Variants in EMP1 observed in about 807,000 individuals in gnomAD.
EMP1 encodes epithelial membrane protein 1.
A neutral mutation model predicts 15.7 loss-of-function variants in EMP1; 5 were observed. The ratio of observed to expected loss-of-function variants is 0.32; its 90% CI spans 0.17 to 0.67. EMP1 has a LOEUF of 0.67. Ranked by LOEUF, EMP1 falls within the 30% of genes least tolerant of loss-of-function variation. EMP1 has a pLI of 0.74. For missense variants in EMP1, 166 were observed against 194.2 expected (o/e 0.85, Z 0.86); for synonymous variants, 78 against 76.7 (o/e 1.02, Z -0.09).
At chr12:13,210,387 A>G (rs967938939) in intron 1 of EMP1, among the ~76,000 whole-genome samples, 2 of 152,192 alleles carry the variant, frequency 1.3e-5, no homozygotes, top group Non-Finnish European at 2.9e-5. Flanking sequence ...AGTCTTAGGC[A>G]TGACAAAGCT....
At position 13,216,804 on chromosome 12, in the gene EMP1, G is replaced by A. The variant is rs1232554746; in HGVS notation, c.*2113G>A. The stretch of plus-strand genomic sequence containing the variant: ...GTGAATGTTTTTTTCTAAAAAAAAT[G>A]TGGAGAAATATGGATAATTATGACA... On this transcript the variant is annotated 3_prime_UTR_variant, in exon 5 of 5. Coordinates refer to ENST00000256951, the MANE Select transcript of EMP1 (RefSeq NM_001423.3). The A allele has an allele frequency of 2.9e-5, 6 of 207,408 alleles. No individual in the cohort carries two copies. The East Asian group carries it at 3.3e-4, about 12-fold the overall frequency. 12.8% of individuals were successfully genotyped at this position (207,408 alleles called of 1,614,324 possible). A position where few individuals can be genotyped will look rare whatever the true frequency, so the allele number is the denominator to read the frequency against.
intron 3 of EMP1, 40 bp from the exon 4 acceptor site, chr12:13,213,641 G>A (rs1591710477): frequency 2.5e-6 from 4 of 1,614,056 alleles, no homozygotes; most frequent in Non-Finnish European, 3.4e-6. Context: ...AGCCCCTGGA[G>A]TGACCTCATG....
At chr12:13,202,605 A>G (rs1864075912) in intron 1 of EMP1, among the ~76,000 whole-genome samples, 2 of 150,998 alleles carry the variant, frequency 1.3e-5, no homozygotes, top group African/African-American at 4.9e-5. Flanking sequence ...TGGGGTGGGG[A>G]CTCCTGTGCT....
chr12:13,208,575 G>A (rs902241835), intron 1 of EMP1, among the ~76,000 whole-genome samples: 3 of 152,156 alleles, frequency 2.0e-5, no homozygotes. Flanking sequence ...AGTAAAACCT[G>A]ACAAATAATG....
rs761370248 is a variant in EMP1 at position 13,213,815 on chromosome 12, G to A, written c.310G>A (p.Val104Met). 1 of 1,613,922 alleles carries A rather than the reference G, an allele frequency of 6.2e-7. No homozygotes were observed. The highest frequency in any genetic ancestry group is 8.5e-7 in the Non-Finnish European group (1 of 1,180,032). Residue 104 changes from valine (V) to methionine (M), a missense_variant, in exon 4 of 5, where the codon GTG (valine) becomes ATG (methionine). Transcript: ENST00000256951. ...CTTCCTCTCAGGGGCCACCACACTG[G>A]TGTGCTGTGAGTATCTCATGGGTAG... ...RFFLSGATTL[V>M]CWLCILVGVS...
intron 1 of EMP1, among the ~76,000 whole-genome samples, chr12:13,198,682 C>G (rs2121140107): frequency 6.6e-6 from 1 of 152,274 alleles, no homozygotes; most frequent in Middle Eastern, 3.4e-3. Context: ...AATAACCAGT[C>G]AACACACGGA....
At position 13,211,561 on chromosome 12, in the gene EMP1, T is replaced by C. The variant is rs777736024; in HGVS notation, c.51T>C (p.Ile17=). 2 of 1,614,206 alleles carry C rather than the reference T, an allele frequency of 1.2e-6. No homozygotes were observed. The highest frequency in any genetic ancestry group is 2.2e-5 in the South Asian group (2 of 91,072). ...GIFVVHIATV[I]MLFVSTIANV... Reference sequence around the variant, plus strand: ...TTGTGGTCCACATCGCTACTGTTATTATGCTATTTGTTAGCACCATTGCCA... The same window carrying C: ...TTGTGGTCCACATCGCTACTGTTATCATGCTATTTGTTAGCACCATTGCCA... The change falls in exon 2 of 5, where the codon ATT becomes ATC. Residue 17 remains isoleucine, a synonymous_variant. Coordinates refer to ENST00000256951, the MANE Select transcript of EMP1 (RefSeq NM_001423.3). This position sits in a 1 kb window ranked among gnomAD's most constrained non-coding sequence, Gnocchi z 4.7.
At chr12:13,206,478 C>A (rs1864111356) in intron 1 of EMP1, among the ~76,000 whole-genome samples, 1 of 152,182 alleles carries the variant, frequency 6.6e-6, no homozygotes, top group Non-Finnish European at 1.5e-5. Flanking sequence ...CCCCTCCCAC[C>A]CCTCAGCTAG....
chr12:13,196,807 A>G lies in EMP1; in HGVS notation c.-108A>G, dbSNP rs1471409323. On this transcript the variant is annotated 5_prime_UTR_variant, in exon 1 of 5. Transcript: ENST00000256951. ...CCTCAGTGCGGTCACATACTTCCAG[A>G]AGAGCGGACCAGGGCTGCTGCCAGC... 1.3e-5 allele frequency: 2 copies of G among 152,344 alleles called. No homozygotes were observed. The highest frequency in any genetic ancestry group is 2.9e-5 in the Non-Finnish European group (2 of 68,154). 9.4% of individuals were successfully genotyped at this position (152,344 alleles called of 1,614,324 possible).
At chr12:13,202,352 G>A (rs1864073522) in intron 1 of EMP1, among the ~76,000 whole-genome samples, 1 of 152,160 alleles carries the variant, frequency 6.6e-6, no homozygotes, top group Admixed American at 6.5e-5. Flanking sequence ...CCTCTTCAAT[G>A]TTTCTCCTCT....
Position 13,213,512 on chromosome 12 carries a change from G to T in EMP1, c.112G>T (p.Val38Leu). 6.2e-7 allele frequency: 1 copy of T among 1,614,230 alleles called. No individual in the cohort carries two copies. The highest frequency in any genetic ancestry group is 8.5e-7 in the Non-Finnish European group (1 of 1,180,046). ...WLVSNTVDAS[V>L]GLWKNCTNIS... ...GGTTTCCAATACGGTAGATGCATCA[G>T]TAGGTCTTTGGAAAAACTGTACCAA... is the stretch of plus-strand genomic sequence containing the variant. The change falls in exon 3 of 5, where the codon GTA becomes TTA. Residue 38 changes from valine to leucine, a missense_variant. By Grantham distance (32) the Val-to-Leu change is conservative. Transcript: ENST00000256951.
intron 1 of EMP1, among the ~76,000 whole-genome samples, chr12:13,202,973 C>T (rs1314140122): frequency 6.6e-6 from 1 of 152,110 alleles, no homozygotes; most frequent in Non-Finnish European, 1.5e-5. Context: ...CCTTTGGGGA[C>T]GTGCATTTCC....
At chr12:13,214,034 T>A (rs1591710687) in intron 4 of EMP1, 1 of 761,326 alleles carries the variant, frequency 1.3e-6, no homozygotes. Context: ...TGCTCCTGGG[T>A]AGCTACCAAG....
rs370546549 is a variant in EMP1 at position 13,203,029 on chromosome 12, T to C, written c.-43+6157T>C. On this transcript the variant is annotated intron_variant, in intron 1 of 4. Transcript: ENST00000256951. ...TGAATGACCTCAATGCCTCTCAACC[T>C]CTAAAGAACGAATTGAAATGAAGCC... is the stretch of plus-strand genomic sequence containing the variant. Among the ~76,000 whole-genome samples the C allele has an allele frequency of 8.0e-4, 122 of 152,248 alleles. 3 individuals are homozygous for C. In the South Asian group the frequency reaches 0.024, roughly 29 times the overall value.
chr12:13,213,594 AC>A lies in EMP1; in HGVS notation c.175+22del. 1 of 1,614,078 alleles carries A rather than the reference AC, an allele frequency of 6.2e-7. No homozygotes were observed. Among genetic ancestry groups the A allele is most frequent in the Middle Eastern group, 1.6e-4 (1 of 6,062 alleles). On this transcript the variant is annotated intron_variant, in intron 3 of 4. Coordinates refer to ENST00000256951, the MANE Select transcript of EMP1 (RefSeq NM_001423.3). ...AGTGAAGGTATATATAAAGATATTG[AC>A]CCAGTGCTGACAATAGGTGTGGTCA...
Position 13,211,847 on chromosome 12 carries a change from G to A in EMP1, c.78+259G>A. ...TCTAGTGCAGCTTCTTCGGTCTCTA[G>A]AAGAGCCTTCCCAGCAGCAGGGGTG... On this transcript the variant is annotated intron_variant, in intron 2 of 4. Coordinates refer to ENST00000256951, the MANE Select transcript of EMP1 (RefSeq NM_001423.3). The surrounding 1 kb of genome is among the most constrained non-coding windows in gnomAD (Gnocchi z 4.7). 2.1e-6 allele frequency: 1 copy of A among 472,884 alleles called. No individual in the cohort carries two copies. Among genetic ancestry groups the A allele is most frequent in the Non-Finnish European group, 3.8e-6 (1 of 264,768 alleles). 29.3% of individuals were successfully genotyped at this position (472,884 alleles called of 1,614,324 possible). A position where few individuals can be genotyped will look rare whatever the true frequency, so the allele number is the denominator to read the frequency against.
chr12:13,200,138 T>G (rs1864051527), intron 1 of EMP1, among the ~76,000 whole-genome samples: 1 of 152,156 alleles, frequency 6.6e-6, no homozygotes, highest in Non-Finnish European at 1.5e-5. Context: ...CATAGCTGCC[T>G]AACACAAAAG....
rs1864233245 is a variant in EMP1, at chr12:13,218,444, TG to T, written c.*3754del. 1 of 152,210 alleles carries T rather than the reference TG, an allele frequency of 6.6e-6. No homozygotes were observed. The highest frequency in any genetic ancestry group is 2.4e-5 in the African/African-American group (1 of 41,448). 9.4% of individuals were successfully genotyped at this position (152,210 alleles called of 1,614,324 possible). ...ATGTATTTAAAGAAGAGCTAGATTT[TG>T]TGGGGGGAGAGAAGGGAATAGGATA... On this transcript the variant is annotated 3_prime_UTR_variant, in exon 5 of 5. Coordinates refer to ENST00000256951, the MANE Select transcript of EMP1 (RefSeq NM_001423.3).
rs749022681 is a variant in EMP1 at position 13,214,718 on chromosome 12, G to A, written c.*27G>A. 2 of 1,605,592 alleles carry A rather than the reference G, an allele frequency of 1.2e-6. No individual in the cohort carries two copies. Among genetic ancestry groups the A allele is most frequent in the Non-Finnish European group, 1.7e-6 (2 of 1,175,980 alleles). ...GCCGGACGAGTTCATGGGGATCTGGGGGGTGGGGAGGAGGAAGCCGTTGAA... is the reference window on the plus strand; with the variant it reads ...GCCGGACGAGTTCATGGGGATCTGGAGGGTGGGGAGGAGGAAGCCGTTGAA... On this transcript the variant is annotated 3_prime_UTR_variant, in exon 5 of 5. Transcript: ENST00000256951.
Sources: gnomAD v4.1 joint callset for allele counts (sites outside exome capture counted in the v4.1 genomes callset) on GRCh38, gnomAD v4.1.1 for gene constraint, Gnocchi (gnomAD v3.1) non-coding constraint, MANE v1.5 for transcripts, NCBI Gene and HGNC (gene_info 2026-07-23, HGNC 2026-07-21) for gene names.